RGS19: variants seen among roughly 807,000 people sequenced by gnomAD.
RGS19 encodes the protein G alpha interacting protein.
RGS19 carries 9 observed loss-of-function variants against 22.0 expected under a neutral mutation model. The observed-to-expected ratio is 0.41, with a 90% CI of 0.25 to 0.71. RGS19 has a LOEUF of 0.71. Ranked by LOEUF, RGS19 falls within the 30% of genes least tolerant of loss-of-function variation. The pLI, the probability that RGS19 is intolerant of heterozygous loss-of-function variation, is 0.32. For synonymous variants in RGS19, 130 were observed against 127.3 expected (o/e 1.02, Z -0.14); for missense variants, 256 against 307.1 (o/e 0.83, Z 1.24).
Position 64,074,213 on chromosome 20 carries a change from G to T in RGS19, c.393C>A (p.Asn131Lys). Residue 131 changes from asparagine to lysine, a missense_variant, in exon 5 of 6, where the codon AAC becomes AAA. Physicochemically the swap from Asn to Lys is moderately conservative, Grantham distance 94 (BLOSUM62 0). Transcript: ENST00000395042. ...TCGCCTTCTCGTCTACCACATGCTG[G>T]TTGGCCTCGGCCTTCAGCTCCTCGC... ...LACEELKAEA[N>K]QHVVDEKARL... 3 of 1,614,048 alleles carry T rather than the reference G, an allele frequency of 1.9e-6. No individual in the cohort carries two copies. The South Asian group carries it at 3.3e-5, about 18-fold the overall frequency.
intron 3 of RGS19, 65 bp downstream of exon 3, chr20:64,076,460 C>T: frequency 1.3e-6 from 2 of 1,598,312 alleles, no homozygotes; most frequent in Non-Finnish European, 1.7e-6. Flanking sequence ...TGGGTCCCCT[C>T]CTGGGTCTGC....
rs756183132 is a variant in RGS19, at chr20:64,076,921, A to G, written c.-35T>C. 11 of 1,500,392 alleles carry G rather than the reference A, an allele frequency of 7.3e-6. No individual in the cohort carries two copies. Among genetic ancestry groups the G allele is most frequent in the Non-Finnish European group, 1.8e-6 (2 of 1,129,258 alleles). 92.9% of individuals were successfully genotyped at this position (1,500,392 alleles called of 1,614,324 possible). On this transcript the variant is annotated 5_prime_UTR_variant, in exon 2 of 6. Transcript: ENST00000395042. ...GAGGAGGTTGCCCAGGCTCCGTGGT[A>G]CCAGCTCTCAGACCCTCACCACAGC...
Position 64,076,870 on chromosome 20 carries a change from T to C in RGS19, c.17A>G (p.Glu6Gly). 6.4e-7 allele frequency: 1 copy of C among 1,554,238 alleles called. No individual in the cohort carries two copies. Among genetic ancestry groups the C allele is most frequent in the Admixed American group, 2.2e-5 (1 of 44,928 alleles). The part of the protein sequence containing the change: MPTPH[E>G]AEKQITGPEE... ...GAGGTGGCATACCTGCTTCTCAGCC[T>C]CATGCGGGGTGGGCATGGGTGGGCG... Residue 6 changes from glutamate to glycine, a missense_variant, in exon 2 of 6, where the codon GAG becomes GGG. By Grantham distance (98) the Glu-to-Gly change is moderately conservative. Coordinates refer to ENST00000395042, the MANE Select transcript of RGS19 (RefSeq NM_005873.3).
In RGS19 at chr20:64,076,663, C is replaced by T. The variant is rs1359318593; in HGVS notation, c.31-17G>A. ...CCCTGTGATCTGGGGAAAAGTGGGGCTACCTCAGCTTTCAGGTCAGAACCC... is the reference window on the plus strand; with the variant it reads ...CCCTGTGATCTGGGGAAAAGTGGGGTTACCTCAGCTTTCAGGTCAGAACCC... On this transcript the variant is annotated splice_polypyrimidine_tract_variant and intron_variant, in intron 2 of 5. Coordinates refer to ENST00000395042, the MANE Select transcript of RGS19 (RefSeq NM_005873.3). 3 of 1,588,988 alleles carry T rather than the reference C, an allele frequency of 1.9e-6. No homozygotes were observed. The African/African-American group carries it at 4.0e-5, about 21-fold the overall frequency.
At position 64,074,475 on chromosome 20, in the gene RGS19, A is replaced by C; in HGVS notation, c.219T>G (p.Cys73Trp). Residue 73 changes from cysteine (C) to tryptophan (W), a missense_variant, in exon 4 of 6, where the codon TGT becomes TGG. Physicochemically the swap from Cys to Trp is radical, Grantham distance 215. Coordinates refer to ENST00000395042, the MANE Select transcript of RGS19 (RefSeq NM_005873.3). ...CAGCCGGCTGGACTCACCATACTTCACAGCTGGGGAGGGGCTGCAGCTTGC... is the reference window on the plus strand; with the variant it reads ...CAGCCGGCTGGACTCACCATACTTCCCAGCTGGGGAGGGGCTGCAGCTTGC... ...RESKLQPLPSCEVCATPSPEE... is the reference protein window; with the variant it reads ...RESKLQPLPSWEVCATPSPEE... 1 of 1,585,148 alleles carries C rather than the reference A, an allele frequency of 6.3e-7. No homozygotes were observed.
chr20:64,076,206 C>T (rs931660344), intron 3 of RGS19, among the ~76,000 whole-genome samples: 4 of 152,226 alleles, frequency 2.6e-5, no homozygotes, highest in African/African-American at 9.7e-5. Context: ...CCACCGCAGG[C>T]CCCCAGGGCC....
At chr20:64,076,425 G>T in intron 3 of RGS19, 100 bp downstream of exon 3, 2 of 1,553,128 alleles carry the variant, frequency 1.3e-6, no homozygotes, top group South Asian at 1.2e-5. Flanking sequence ...CATCCTGCCT[G>T]CGGGGATGCC....
intron 1 of RGS19, among the ~76,000 whole-genome samples, chr20:64,078,836 C>T (rs569584337): frequency 6.6e-6 from 1 of 152,234 alleles, no homozygotes; most frequent in East Asian, 1.9e-4. Context: ...AGGCTTTGGC[C>T]CCCAAGTCTG....
chr20:64,073,831 G>C lies in RGS19; in HGVS notation c.*22C>G, dbSNP rs769582903. The C allele has an allele frequency of 3.8e-5, 61 of 1,585,998 alleles. No individual in the cohort carries two copies. Among genetic ancestry groups the C allele is most frequent in the Non-Finnish European group, 5.2e-5 (61 of 1,162,388 alleles). On this transcript the variant is annotated 3_prime_UTR_variant, in exon 6 of 6. Coordinates refer to ENST00000395042, the MANE Select transcript of RGS19 (RefSeq NM_005873.3). The stretch of plus-strand genomic sequence containing the variant: ...CAGAGTCGGCCGTAGGAGGCGGCGG[G>C]GTCTGTGCTGCTGGGGGCGGCCTAG...
chr20:64,076,897 A>T lies in RGS19; in HGVS notation c.-11T>A, dbSNP rs1215380494. On this transcript the variant is annotated 5_prime_UTR_variant, in exon 2 of 6. Transcript: ENST00000395042. ...ATGCGGGGTGGGCATGGGTGGGCGG[A>T]GGAGGTTGCCCAGGCTCCGTGGTAC... The T allele has an allele frequency of 2.6e-6, 4 of 1,524,810 alleles. No individual in the cohort carries two copies. The highest frequency in any genetic ancestry group is 2.0e-4 in the Middle Eastern group (1 of 5,042). The allele number at this position is 1,524,810 out of a possible 1,614,324, so 94.5% of individuals were successfully genotyped here.
In RGS19 at chr20:64,074,350, T is replaced by C. The variant is rs1440474054; in HGVS notation, c.256A>G (p.Ser86Gly). 1.9e-6 allele frequency: 3 copies of C among 1,611,722 alleles called. No individual in the cohort carries two copies. In the Admixed American group the frequency reaches 5.0e-5, roughly 27 times the overall value. Residue 86 changes from serine (S) to glycine (G), a missense_variant, in exon 5 of 6, where the codon AGC (serine) becomes GGC (glycine). Transcript: ENST00000395042. The stretch of plus-strand genomic sequence containing the variant: ...AGCTTGTCAAAAGACTGCGCCCAGC[T>C]CTGCACCTCCTCAGGACTTGGCGTG... ...CATPSPEEVQ[S>G]WAQSFDKLMH...
At chr20:64,077,132 G>C (rs1464044509) in intron 1 of RGS19, 178 bp from the exon 2 acceptor site, 1 of 420,806 alleles carries the variant, frequency 2.4e-6, no homozygotes, top group Non-Finnish European at 4.2e-6. Context: ...AGGGGGTCCA[G>C]GATCATTGAG....
In RGS19 at chr20:64,079,136, G is replaced by A. The variant is rs2059936574; in HGVS notation, c.-69+158C>T. Among the ~76,000 whole-genome samples, 1 of 152,012 alleles carries A rather than the reference G, an allele frequency of 6.6e-6. No individual in the cohort carries two copies. The highest frequency in any genetic ancestry group is 2.4e-5 in the African/African-American group (1 of 41,410). On this transcript the variant is annotated intron_variant, in intron 1 of 5. Transcript: ENST00000395042. This position sits in a 1 kb window ranked among gnomAD's most constrained non-coding sequence, Gnocchi z 5.1. ...CCCTGGCCTGGCCCCTCCAGGGAAG[G>A]CCAGCTCTCCCCACCTCTGAAATGG... is the stretch of plus-strand genomic sequence containing the variant.
chr20:64,074,839 G>A (rs2059892562), intron 3 of RGS19, among the ~76,000 whole-genome samples: 1 of 152,230 alleles, frequency 6.6e-6, no homozygotes, highest in Non-Finnish European at 1.5e-5. Flanking sequence ...GTGACCCAGT[G>A]CCCGCGAGTC....
chr20:64,076,403 A>T, intron 3 of RGS19, 122 bp downstream of exon 3: 2 of 1,449,466 alleles, frequency 1.4e-6, no homozygotes, highest in Non-Finnish European at 1.9e-6. Context: ...CAGTGCTGTG[A>T]GGTGGCAGGG....
chr20:64,076,840 A>T lies in RGS19; in HGVS notation c.30+17T>A. The T allele has an allele frequency of 6.4e-7, 1 of 1,571,538 alleles. No individual in the cohort carries two copies. The highest frequency in any genetic ancestry group is 2.1e-5 in the Admixed American group (1 of 48,148). On this transcript the variant is annotated intron_variant, in intron 2 of 5. Coordinates refer to ENST00000395042, the MANE Select transcript of RGS19 (RefSeq NM_005873.3). ...ATCTCCCCCAGGGGAGCAGAGGCAG[A>T]GGGGGAGGTGGCATACCTGCTTCTC...
upstream of RGS19, chr20:64,079,918 C>T (rs908716408): frequency 1.3e-5 from 2 of 148,368 alleles, no homozygotes; most frequent in Non-Finnish European, 3.0e-5. This position sits in a 1 kb window ranked among gnomAD's most constrained non-coding sequence, Gnocchi z 5.1. Flanking sequence ...CCCGCGCGCT[C>T]CAAGGTCCGG....
intron 1 of RGS19, among the ~76,000 whole-genome samples, chr20:64,078,289 A>AG (rs1661608916): frequency 5.2e-5 from 1 of 19,336 alleles, no homozygotes; most frequent in Admixed American, 1.1e-3. Context: ...GTTTCCTCTG[A>AG]GACTGGGGGT....
intron 1 of RGS19, among the ~76,000 whole-genome samples, chr20:64,078,121 C>T (rs918702441): frequency 1.6e-4 from 7 of 43,548 alleles, no homozygotes; most frequent in South Asian, 6.0e-4. Flanking sequence ...CCTCCTGGGA[C>T]GGTGTGTGAA....
Sources: allele counts gnomAD v4.1 joint callset (sites outside exome capture counted in the v4.1 genomes callset), GRCh38; gene constraint gnomAD v4.1.1; non-coding constraint Gnocchi (gnomAD v3.1); transcripts MANE v1.5; gene names NCBI Gene and HGNC (gene_info 2026-07-23, HGNC 2026-07-21).